The following FHL5 variants were observed in gnomAD, a reference collection of about 807,000 sequenced individuals.
The protein encoded by FHL5 is four and a half LIM domains 5.
FHL5 carries 33 observed loss-of-function variants against 32.0 expected under a neutral mutation model. The observed-to-expected ratio is 1.03, with a 90% CI of 0.78 to 1.38. The LOEUF (loss-of-function observed/expected upper bound fraction) is 1.38. Ranked by LOEUF, FHL5 falls within the 40% of genes most tolerant of loss-of-function variation. The pLI, the probability that FHL5 is intolerant of heterozygous loss-of-function variation, is 0.00. For missense variants in FHL5, 336 were observed against 343.9 expected (o/e 0.98, Z 0.18); for synonymous variants, 114 against 113.6 (o/e 1.00, Z -0.02).
At position 96,616,138 on chromosome 6, in the gene FHL5, A is replaced by G. The variant is rs1771517023; in HGVS notation, c.*366A>G. ...AGTAAAAGAAAAACTAAGAGATCAA[A>G]CTGAGAGGTATACATGAGGCTAGTG... On this transcript the variant is annotated 3_prime_UTR_variant, in exon 6 of 6. Coordinates refer to ENST00000450218, the MANE Select transcript of FHL5 (RefSeq NM_001322466.2). The G allele has an allele frequency of 6.4e-6, 1 of 156,706 alleles. No homozygotes were observed. Among genetic ancestry groups the G allele is most frequent in the African/African-American group, 2.4e-5 (1 of 41,622 alleles). The allele number at this position is 156,706 out of a possible 1,614,324, so 9.7% of individuals were successfully genotyped here. A position where few individuals can be genotyped will look rare whatever the true frequency, so the allele number is the denominator to read the frequency against.
intron 1 of FHL5, among the ~76,000 whole-genome samples, chr6:96,582,017 T>G (rs1770706532): frequency 6.6e-6 from 1 of 152,162 alleles, no homozygotes; most frequent in South Asian, 2.1e-4. Flanking sequence ...ATAAATTGTA[T>G]TTTTAGTCTT....
In FHL5 at chr6:96,615,914, C is replaced by A. The variant is rs143868881; in HGVS notation, c.*142C>A. On this transcript the variant is annotated 3_prime_UTR_variant, in exon 6 of 6. Transcript: ENST00000450218. ...GAAAAGTTTTTGCACACATTTTGAT[C>A]GAACTATATTCTAAGCACACAAAAA... 3 of 611,020 alleles carry A rather than the reference C, an allele frequency of 4.9e-6. No individual in the cohort carries two copies. The highest frequency in any genetic ancestry group is 5.4e-6 in the Non-Finnish European group (2 of 369,948). The allele number at this position is 611,020 out of a possible 1,614,324, so 37.8% of individuals were successfully genotyped here. A position where few individuals can be genotyped will look rare whatever the true frequency, so the allele number is the denominator to read the frequency against.
At chr6:96,601,648 G>A (rs1771151420) in intron 1 of FHL5, among the ~76,000 whole-genome samples, 1 of 152,166 alleles carries the variant, frequency 6.6e-6, no homozygotes, top group African/African-American at 2.4e-5. Flanking sequence ...CCTAACCCCT[G>A]AGGGGCCGTG....
intron 5 of FHL5, among the ~76,000 whole-genome samples, chr6:96,615,358 C>CAA (rs1177527395): frequency 6.6e-6 from 1 of 152,172 alleles, no homozygotes; most frequent in East Asian, 1.9e-4. Flanking sequence ...TGCATATTAG[C>CAA]ATTCTGCCTT....
chr6:96,569,581 TTTGC>T (rs373926985), intron 1 of FHL5, among the ~76,000 whole-genome samples: 110 of 152,142 alleles, frequency 7.2e-4, no homozygotes, highest in East Asian at 1.5e-3. Flanking sequence ...GGTTTAATTA[TTTGC>T]TTTATAAATC....
At chr6:96,612,364 GA>G (rs540379498) in intron 5 of FHL5, among the ~76,000 whole-genome samples, 46 of 149,320 alleles carry the variant, frequency 3.1e-4, no homozygotes, top group African/African-American at 1.0e-3. Context: ...AATTGGGACA[GA>G]AAAAAAAAGG....
At chr6:96,611,644 A>T in intron 5 of FHL5, among the ~76,000 whole-genome samples, 1 of 152,244 alleles carries the variant, frequency 6.6e-6, no homozygotes, top group South Asian at 2.1e-4. Flanking sequence ...TTCATATACC[A>T]TAGAATTAAA....
rs1771533121 is a variant in FHL5 at position 96,616,915 on chromosome 6, C to G, written c.*1143C>G. Among the ~76,000 whole-genome samples the G allele has an allele frequency of 8.3e-6, 1 of 120,548 alleles. No individual in the cohort carries two copies. Among genetic ancestry groups the G allele is most frequent in the African/African-American group, 3.6e-5 (1 of 27,746 alleles). The allele number at this position is 120,548 out of a possible 152,430, so 79.1% of individuals were successfully genotyped here. On this transcript the variant is annotated 3_prime_UTR_variant, in exon 6 of 6. Transcript: ENST00000450218. ...CTGTAGGCGAGCCCTCCCCACTCTT[C>G]CCCCACACCTGTGCCACACCCCCCT...
chr6:96,594,782 T>C (rs978253825), intron 1 of FHL5, among the ~76,000 whole-genome samples: 1 of 151,966 alleles, frequency 6.6e-6, no homozygotes, highest in African/African-American at 2.4e-5. Flanking sequence ...TATTTCTATT[T>C]CTATGTTTAG....
intron 1 of FHL5, among the ~76,000 whole-genome samples, chr6:96,596,790 A>G (rs1410067417): frequency 2.0e-5 from 3 of 152,036 alleles, no homozygotes; most frequent in Non-Finnish European, 4.4e-5. Flanking sequence ...CTTGATGGCT[A>G]TCTAGTTTAG....
At chr6:96,600,707 T>C (rs1216090656) in intron 1 of FHL5, among the ~76,000 whole-genome samples, 2 of 152,196 alleles carry the variant, frequency 1.3e-5, no homozygotes, top group East Asian at 1.9e-4. Context: ...AGTTAAATGA[T>C]AGACTTCATG....
At chr6:96,565,871 A>G (rs1770346252) in intron 1 of FHL5, among the ~76,000 whole-genome samples, 1 of 151,992 alleles carries the variant, frequency 6.6e-6, no homozygotes, top group Non-Finnish European at 1.5e-5. Context: ...TGCTTTTATT[A>G]GTATTACTAT....
chr6:96,573,316 A>G (rs1770518941), intron 1 of FHL5, among the ~76,000 whole-genome samples: 1 of 151,930 alleles, frequency 6.6e-6, no homozygotes. Context: ...AATGCTTCCA[A>G]TTTTCTTTAA....
At chr6:96,564,488 T>C (rs1471800335) in intron 1 of FHL5, among the ~76,000 whole-genome samples, 1 of 152,172 alleles carries the variant, frequency 6.6e-6, no homozygotes, top group Non-Finnish European at 1.5e-5. Context: ...GAGTAGTAGA[T>C]TTGTGTTTTA....
intron 1 of FHL5, among the ~76,000 whole-genome samples, chr6:96,568,520 G>T (rs1044971079): frequency 6.6e-6 from 1 of 151,864 alleles, no homozygotes; most frequent in Admixed American, 6.6e-5. Context: ...ATTTCTGGAA[G>T]AATTTGAGGA....
chr6:96,606,588 G>T (rs1377081257), intron 4 of FHL5, among the ~76,000 whole-genome samples: 3 of 152,076 alleles, frequency 2.0e-5, no homozygotes, highest in Non-Finnish European at 4.4e-5. Flanking sequence ...CTGACCTCAG[G>T]TGATCCACCT....
At chr6:96,581,891 G>A (rs773388854) in intron 1 of FHL5, among the ~76,000 whole-genome samples, 1 of 152,174 alleles carries the variant, frequency 6.6e-6, no homozygotes, top group Admixed American at 6.6e-5. Context: ...ATTTATATTA[G>A]ATCTATAGCA....
At chr6:96,615,250 ATC>A (rs1381560882) in intron 5 of FHL5, among the ~76,000 whole-genome samples, 2 of 152,234 alleles carry the variant, frequency 1.3e-5, no homozygotes, top group African/African-American at 4.8e-5. Context: ...ATACTTAGAT[ATC>A]TCTGACTTCA....
At position 96,618,412 on chromosome 6, in the gene FHL5, G is replaced by A. The variant is rs1771564452; in HGVS notation, c.*2640G>A. Among the ~76,000 whole-genome samples, 1 of 152,226 alleles carries A rather than the reference G, an allele frequency of 6.6e-6. No individual in the cohort carries two copies. On this transcript the variant is annotated 3_prime_UTR_variant, in exon 6 of 6. Transcript: ENST00000450218. Reference sequence around the variant, plus strand: ...ATTGCTAAAAGAGAAAGAGTCAGAGGAAGGGAGAATATTAACTCTTAGGAT... The same window carrying A: ...ATTGCTAAAAGAGAAAGAGTCAGAGAAAGGGAGAATATTAACTCTTAGGAT...
Sources: allele counts gnomAD v4.1 joint callset (sites outside exome capture counted in the v4.1 genomes callset), GRCh38; gene constraint gnomAD v4.1.1; transcripts MANE v1.5; gene names NCBI Gene and HGNC (gene_info 2026-07-23, HGNC 2026-07-21).